HEATR4: variants seen among roughly 807,000 people sequenced by gnomAD.
HEATR4 encodes the protein HEAT repeat-containing protein 4.
In HEATR4, 95 loss-of-function variants were observed where a neutral mutation model predicts 108.8. The ratio of observed to expected loss-of-function variants is 0.87; its 90% CI spans 0.74 to 1.04. The LOEUF (loss-of-function observed/expected upper bound fraction) is 1.04, where lower values mean the gene tolerates loss of function less well. Among genes scored for constraint, HEATR4 ranks in the 50% least tolerant of loss-of-function variants. The pLI, the probability that HEATR4 is intolerant of heterozygous loss-of-function variation, is 0.00. For missense variants in HEATR4, 1,152 were observed against 1,253.8 expected, an observed-to-expected ratio of 0.92 and a Z score of 1.23; for synonymous variants, 443 against 459.4, an observed-to-expected ratio of 0.96 and a Z score of 0.46.
chr14:73,478,924 G>T lies in HEATR4; in HGVS notation c.2845-82C>A, dbSNP rs1331333373. The T allele has an allele frequency of 6.9e-6, 7 of 1,016,866 alleles. No homozygotes were observed. The African/African-American group carries it at 8.1e-5, about 12-fold the overall frequency. 63.0% of individuals were successfully genotyped at this position (1,016,866 alleles called of 1,614,324 possible). A position where few individuals can be genotyped will look rare whatever the true frequency, so the allele number is the denominator to read the frequency against. On this transcript the variant is annotated intron_variant, in intron 17 of 17. Transcript: ENST00000553558. ...CAGAGCCCAAGTGAAGGCCTCTTTG[G>T]CTATAGGGTGTCTCCTTTTTTTTTT...
Position 73,531,142 on chromosome 14 carries a change from A to G in HEATR4, c.-151-898T>C, listed in dbSNP as rs1352755085. The G allele has an allele frequency of 2.7e-5, 3 of 112,982 alleles. 1 individual carries two copies. The Admixed American group carries it at 3.1e-4, about 12-fold the overall frequency. The allele number at this position is 112,982 out of a possible 1,614,324, so 7.0% of individuals were successfully genotyped here. On this transcript the variant is annotated intron_variant, in intron 1 of 17. Coordinates refer to ENST00000553558, the MANE Select transcript of HEATR4 (RefSeq NM_001220484.1). ...ATACTGGCAAAGGAGCAGTGTTTCA[A>G]AATTACTTTCCAAATGGCCTCCTAC...
chr14:73,500,737 G>A lies in HEATR4; in HGVS notation c.2106-7C>T, dbSNP rs1434475035. On this transcript the variant is annotated splice_region_variant and splice_polypyrimidine_tract_variant and intron_variant, in intron 11 of 17. Transcript: ENST00000553558. ...TCCTTGACCTAGCTTGACCCTGTAA[G>A]GCACAAGTTGCTTTCCTTTCACCTC... 51 of 1,610,096 alleles carry A rather than the reference G, an allele frequency of 3.2e-5. No homozygotes were observed. In the East Asian group the frequency reaches 1.1e-3, roughly 36 times the overall value.
At chr14:73,493,725 C>T (rs901698902) in intron 16 of HEATR4, among the ~76,000 whole-genome samples, 5 of 152,158 alleles carry the variant, frequency 3.3e-5, no homozygotes, top group Admixed American at 2.6e-4. Flanking sequence ...GTAATCCCAG[C>T]TACTAGGGGG....
the HEATR4 span, among the ~76,000 whole-genome samples, chr14:73,613,341 G>A: frequency 6.6e-6 from 1 of 152,110 alleles, no homozygotes; most frequent in East Asian, 1.9e-4. Flanking sequence ...GTGCTGAATA[G>A]TGCATTCAAC....
chr14:73,525,374 T>C lies in HEATR4; in HGVS notation c.-72-2150A>G, dbSNP rs568125745. Among the ~76,000 whole-genome samples the C allele has an allele frequency of 2.0e-5, 3 of 152,270 alleles. No individual in the cohort carries two copies. In the South Asian group the frequency reaches 6.2e-4, roughly 32 times the overall value. Reference sequence around the variant, plus strand: ...CTAGATGCCATTAGGCCAGAATCAATAACCTCCCTCAAATTACGTGACACA... The same window carrying C: ...CTAGATGCCATTAGGCCAGAATCAACAACCTCCCTCAAATTACGTGACACA... On this transcript the variant is annotated intron_variant, in intron 2 of 17. Transcript: ENST00000553558.
chr14:73,568,076 T>G, the HEATR4 span: 1 of 152,174 alleles, frequency 6.6e-6, no homozygotes, highest in Non-Finnish European at 1.5e-5. Flanking sequence ...ATTATTTGCC[T>G]TCTTACTTCC....
chr14:73,626,771 A>G, the HEATR4 span, among the ~76,000 whole-genome samples: 1 of 150,590 alleles, frequency 6.6e-6, no homozygotes, highest in Non-Finnish European at 1.5e-5. Context: ...CTAAACCACT[A>G]AACAACAGAC....
chr14:73,591,008 A>G, the HEATR4 span, among the ~76,000 whole-genome samples: 3 of 152,272 alleles, frequency 2.0e-5, no homozygotes, highest in Admixed American at 2.0e-4. Context: ...TTGGGACTAC[A>G]GAGGCAGGAG....
At chr14:73,597,583 TTTC>T in the HEATR4 span, among the ~76,000 whole-genome samples, 2 of 142,014 alleles carry the variant, frequency 1.4e-5, no homozygotes. Context: ...TTTTTTCTTT[TTTC>T]TTTTCTTTTT....
At chr14:73,600,047 C>T in the HEATR4 span, among the ~76,000 whole-genome samples, 1 of 152,150 alleles carries the variant, frequency 6.6e-6, no homozygotes, top group African/African-American at 2.4e-5. Context: ...TCTTCTCAAT[C>T]TGAACGGCTT....
chr14:73,488,487 G>T (rs1885537414), intron 17 of HEATR4, among the ~76,000 whole-genome samples: 2 of 151,902 alleles, frequency 1.3e-5, no homozygotes, highest in African/African-American at 4.8e-5. Flanking sequence ...AGCCAGGATG[G>T]TCTTGATCTC....
chr14:73,573,965 G>T, the HEATR4 span, among the ~76,000 whole-genome samples: 2 of 152,054 alleles, frequency 1.3e-5, no homozygotes, highest in South Asian at 4.2e-4. Context: ...GACCTCAAAT[G>T]ATCCACCTGC....
the HEATR4 span, among the ~76,000 whole-genome samples, chr14:73,605,846 C>T: frequency 5.3e-5 from 8 of 152,100 alleles, no homozygotes; most frequent in South Asian, 2.1e-4. Context: ...ACTGGGATTA[C>T]AGGCATGAGC....
intron 1 of HEATR4, among the ~76,000 whole-genome samples, chr14:73,549,022 G>A (rs1319583483): frequency 1.8e-5 from 2 of 111,546 alleles, no homozygotes; most frequent in African/African-American, 5.8e-5. Flanking sequence ...GTCTTATACC[G>A]GGTAATTTAT....
At chr14:73,583,701 TAA>T in the HEATR4 span, among the ~76,000 whole-genome samples, 5 of 151,840 alleles carry the variant, frequency 3.3e-5, no homozygotes, top group Non-Finnish European at 7.4e-5. Context: ...GCACGTGCAT[TAA>T]GAGACAAAAT....
At chr14:73,483,195 A>G (rs952249669) in intron 17 of HEATR4, among the ~76,000 whole-genome samples, 1 of 152,202 alleles carries the variant, frequency 6.6e-6, no homozygotes, top group East Asian at 1.9e-4. Context: ...GTGGGTTAAT[A>G]TTTCTGATTT....
the HEATR4 span, among the ~76,000 whole-genome samples, chr14:73,625,140 C>G: frequency 6.6e-6 from 1 of 151,756 alleles, no homozygotes; most frequent in Non-Finnish European, 1.5e-5. Context: ...CTCACTGCAA[C>G]CTCCGCCTCC....
At chr14:73,493,150 T>A (rs750945830) in intron 16 of HEATR4, 26 bp from the exon 17 acceptor site, 1 of 1,603,168 alleles carries the variant, frequency 6.2e-7, no homozygotes. Flanking sequence ...AAAGGAGAAG[T>A]TGGAGGTGGA....
In HEATR4 at chr14:73,551,827, A is replaced by G. The variant is rs1889329812; in HGVS notation, c.-152+6924T>C. ...TCCGTCTTAAAAAAAAAAAAAAAAC[A>G]GACAAAATGGCTATGTATGACCTCT... On this transcript the variant is annotated intron_variant, in intron 1 of 17. Coordinates refer to ENST00000553558, the MANE Select transcript of HEATR4 (RefSeq NM_001220484.1). Among the ~76,000 whole-genome samples, 3 of 108,740 alleles carry G rather than the reference A, an allele frequency of 2.8e-5. 1 individual carries two copies. The highest frequency in any genetic ancestry group is 5.9e-5 in the Non-Finnish European group (3 of 50,532). 71.3% of individuals were successfully genotyped at this position (108,740 alleles called of 152,430 possible).
Sources: allele counts gnomAD v4.1 joint callset (sites outside exome capture counted in the v4.1 genomes callset), GRCh38; gene constraint gnomAD v4.1.1; transcripts MANE v1.5; gene names NCBI Gene and HGNC (gene_info 2026-07-23, HGNC 2026-07-21).